CUX1: variants seen among roughly 807,000 people sequenced by gnomAD.
CUX1 encodes the protein cut like homeobox 1.
In CUX1, 31 loss-of-function variants were observed where a neutral mutation model predicts 158.8. The observed-to-expected ratio is 0.20, with a 90% CI of 0.15 to 0.26. The LOEUF (loss-of-function observed/expected upper bound fraction) is 0.26, where lower values mean the gene tolerates loss of function less well. CUX1 is among the 10% of genes least tolerant of loss of function. The pLI is 1.00. For missense variants in CUX1, 1,589 were observed against 2,014.6 expected (o/e 0.79, Z 4.04); for synonymous variants, 879 against 862.1 (o/e 1.02, Z -0.34).
At chr7:101,918,698 C>G (rs796906860) in intron 2 of CUX1, among the ~76,000 whole-genome samples, 10 of 152,366 alleles carry the variant, frequency 6.6e-5, no homozygotes, top group African/African-American at 2.4e-4. Context: ...CTGTGGGGCG[C>G]CCACGCGGAA....
chr7:102,277,989 G>A (rs1554548127), exon 18 of CUX1: 11 of 1,598,134 alleles, frequency 6.9e-6, no homozygotes, highest in Middle Eastern at 1.7e-4. Flanking sequence ...GCCCTGCAGA[G>A]TGAGCTGGAC....
At chr7:102,121,676 A>G (rs1832063605) in intron 8 of CUX1, among the ~76,000 whole-genome samples, 1 of 152,090 alleles carries the variant, frequency 6.6e-6, no homozygotes, top group South Asian at 2.1e-4. Flanking sequence ...GGACTATTTC[A>G]CAATGATTTC....
At chr7:102,231,523 G>A (rs1554530792) in intron 21 of CUX1, among the ~76,000 whole-genome samples, 1 of 151,974 alleles carries the variant, frequency 6.6e-6, no homozygotes, top group African/African-American at 2.4e-5. Context: ...TAAAAGTCAT[G>A]GCTAGGAAAC....
chr7:101,954,457 GC>G (rs937365618), intron 2 of CUX1, among the ~76,000 whole-genome samples: 1 of 152,220 alleles, frequency 6.6e-6, no homozygotes, highest in Non-Finnish European at 1.5e-5. Flanking sequence ...TTGGTGCCTA[GC>G]GTCTTTTGTA....
Position 101,916,343 on chromosome 7 carries a change from C to A in CUX1, c.141+118C>A. The A allele has an allele frequency of 1.5e-6, 1 of 662,142 alleles. No homozygotes were observed. Among genetic ancestry groups the A allele is most frequent in the Non-Finnish European group, 2.8e-6 (1 of 359,512 alleles). The allele number at this position is 662,142 out of a possible 1,614,324, so 41.0% of individuals were successfully genotyped here. A position where few individuals can be genotyped will look rare whatever the true frequency, so the allele number is the denominator to read the frequency against. ...GATGAACGCACGGCCGGCAAACAAC[C>A]CGTTTCTTTCCCCAGATGTCTTCAG... On this transcript the variant is annotated intron_variant, in intron 2 of 23. Transcript: ENST00000292535. The surrounding 1 kb of genome is among the most constrained non-coding windows in gnomAD (Gnocchi z 4.4).
chr7:101,913,493 GCTCT>G (rs1411419128), intron 1 of CUX1: 1 of 1,047,670 alleles, frequency 9.5e-7, no homozygotes, highest in Non-Finnish European at 1.2e-6. Flanking sequence ...CACCAGGCAG[GCTCT>G]CTGACAGATC....
chr7:101,994,740 T>C (rs1287817832), intron 2 of CUX1, among the ~76,000 whole-genome samples: 1 of 151,866 alleles, frequency 6.6e-6, no homozygotes, highest in African/African-American at 2.4e-5. Context: ...TTCCAGAAGG[T>C]CTTGGTTTAA....
chr7:102,186,875 A>G (rs1205009393), intron 11 of CUX1: 1 of 152,232 alleles, frequency 6.6e-6, no homozygotes, highest in African/African-American at 2.4e-5. Flanking sequence ...TCTACTAAAA[A>G]TAGAAAAATT....
chr7:102,165,773 C>T (rs937437930), intron 9 of CUX1, among the ~76,000 whole-genome samples: 1 of 152,076 alleles, frequency 6.6e-6, no homozygotes, highest in African/African-American at 2.4e-5. Flanking sequence ...CCTCGTGGAC[C>T]CCTGGTTCCG....
intron 4 of CUX1, among the ~76,000 whole-genome samples, chr7:102,075,836 A>T (rs912655793): frequency 1.3e-5 from 2 of 152,254 alleles, no homozygotes; most frequent in East Asian, 3.8e-4. Flanking sequence ...ACATTTATAC[A>T]GCACTTAGCA....
At chr7:101,871,670 G>GT (rs1233376105) in intron 1 of CUX1, among the ~76,000 whole-genome samples, 3 of 152,182 alleles carry the variant, frequency 2.0e-5, no homozygotes, top group Admixed American at 2.0e-4. Context: ...AGTAAGGGTG[G>GT]TGGTGGCATG....
At chr7:102,137,284 T>A (rs1345842765) in intron 8 of CUX1, among the ~76,000 whole-genome samples, 1 of 152,204 alleles carries the variant, frequency 6.6e-6, no homozygotes, top group African/African-American at 2.4e-5. Context: ...GTTAGATCCT[T>A]CTAGTGGGGT....
chr7:101,912,027 C>T (rs1197621954), intron 1 of CUX1, among the ~76,000 whole-genome samples: 1 of 152,214 alleles, frequency 6.6e-6, no homozygotes, highest in African/African-American at 2.4e-5. Flanking sequence ...CATCAGTTTG[C>T]TGCTAGCCTG....
At chr7:102,283,238 C>T (rs1251966703) in exon 23 of CUX1, 6 of 677,322 alleles carry the variant, frequency 8.9e-6, no homozygotes, top group Middle Eastern at 2.4e-4. Flanking sequence ...CAGGTCACCT[C>T]GGGTCCCCTT....
intron 2 of CUX1, among the ~76,000 whole-genome samples, chr7:101,984,811 C>T (rs998906752): frequency 1.3e-5 from 2 of 152,096 alleles, no homozygotes; most frequent in Non-Finnish European, 2.9e-5. Context: ...TATATGAATA[C>T]GAGGGCATGG....
At chr7:102,079,446 A>AG (rs1427432295) in intron 4 of CUX1, among the ~76,000 whole-genome samples, 2 of 151,972 alleles carry the variant, frequency 1.3e-5, no homozygotes, top group African/African-American at 4.8e-5. Flanking sequence ...TCAAAAAAAA[A>AG]AAAATGACAA....
chr7:102,171,336 G>A (rs1047752304), intron 10 of CUX1, among the ~76,000 whole-genome samples: 1 of 152,042 alleles, frequency 6.6e-6, no homozygotes, highest in Non-Finnish European at 1.5e-5. Context: ...GTTATTATGA[G>A]CAAATAACTT....
At position 102,178,167 on chromosome 7, in the gene CUX1, G is replaced by A. The variant is rs1047525627; in HGVS notation, c.829-302G>A. On this transcript the variant is annotated intron_variant, in intron 10 of 23. Transcript: ENST00000292535. ...TCCACCCACCTTGGCCTCCCAAAGT[G>A]CTGGGATTACAGGCGTGAGCCATTG... Among the ~76,000 whole-genome samples, 5 of 152,230 alleles carry A rather than the reference G, an allele frequency of 3.3e-5. No individual in the cohort carries two copies. The South Asian group carries it at 1.0e-3, about 32-fold the overall frequency.
At chr7:102,029,849 T>C (rs1820510025) in intron 3 of CUX1, among the ~76,000 whole-genome samples, 1 of 152,202 alleles carries the variant, frequency 6.6e-6, no homozygotes, top group African/African-American at 2.4e-5. Context: ...TGATCTTACC[T>C]GTTCTGTTAC....
Sources: allele counts gnomAD v4.1 joint callset (sites outside exome capture counted in the v4.1 genomes callset), GRCh38; gene constraint gnomAD v4.1.1; non-coding constraint Gnocchi (gnomAD v3.1); transcripts MANE v1.5; gene names NCBI Gene and HGNC (gene_info 2026-07-23, HGNC 2026-07-21).